Variants in FMN2 observed in about 807,000 individuals in gnomAD.
The protein encoded by FMN2 is formin-2.
In FMN2, 51 loss-of-function variants were observed where a neutral mutation model predicts 142.3. The observed-to-expected ratio is 0.36, with a 90% CI of 0.29 to 0.45. The LOEUF is 0.45. Among genes scored for constraint, FMN2 ranks in the 20% least tolerant of loss-of-function variants. FMN2 has a pLI of 1.00. For synonymous variants in FMN2, 882 were observed against 869.8 expected (o/e 1.01, Z -0.25); for missense variants, 1,936 against 2,122.8 (o/e 0.91, Z 1.73).
At chr1:240,305,710 G>A (rs1670364081) in intron 8 of FMN2, among the ~76,000 whole-genome samples, 1 of 152,152 alleles carries the variant, frequency 6.6e-6, no homozygotes, top group Admixed American at 6.5e-5. Context: ...GCCAAGGAAT[G>A]TGTCTATTGT....
intron 16 of FMN2, among the ~76,000 whole-genome samples, chr1:240,452,337 A>G (rs1164501097): frequency 6.6e-6 from 1 of 152,178 alleles, no homozygotes; most frequent in African/African-American, 2.4e-5. Context: ...CACTCCTTTA[A>G]TTAGTCAGAA....
At chr1:240,245,658 G>A (rs995409210) in intron 6 of FMN2, 18 of 468,012 alleles carry the variant, frequency 3.8e-5, no homozygotes, top group Admixed American at 2.9e-4. Context: ...TTAAAATACT[G>A]GTTTGGTGGT....
chr1:240,253,442 G>T lies in FMN2; in HGVS notation c.4066-4503G>T, dbSNP rs376255488. 4.6e-5 allele frequency among the ~76,000 whole-genome samples: 7 copies of T among 151,970 alleles called. No homozygotes were observed. The East Asian group carries it at 1.4e-3, about 29-fold the overall frequency. On this transcript the variant is annotated intron_variant, in intron 6 of 17. Coordinates refer to ENST00000319653, the MANE Select transcript of FMN2 (RefSeq NM_020066.5). ...TCTTCCATCCCAGAATTTCTGTTTG[G>T]TTCTTTTTTACGATATCTATCTTTT...
intron 2 of FMN2, among the ~76,000 whole-genome samples, chr1:240,158,940 A>G (rs1229550815): frequency 6.6e-6 from 1 of 152,158 alleles, no homozygotes; most frequent in Non-Finnish European, 1.5e-5. Flanking sequence ...CATAATATTT[A>G]TATATAGTCT....
chr1:240,274,324 C>T (rs920356828), intron 7 of FMN2, among the ~76,000 whole-genome samples: 2 of 151,486 alleles, frequency 1.3e-5, no homozygotes, highest in Non-Finnish European at 2.9e-5. Flanking sequence ...AAGGCCATGA[C>T]AGAAGGAACC....
intron 1 of FMN2, among the ~76,000 whole-genome samples, chr1:240,122,277 A>C (rs1662310666): frequency 6.7e-6 from 1 of 148,526 alleles, no homozygotes; most frequent in Non-Finnish European, 1.5e-5. Flanking sequence ...TTATTTATTT[A>C]TTTGAGATGG....
At chr1:240,253,455 ATATC>A (rs1668349442) in intron 6 of FMN2, among the ~76,000 whole-genome samples, 1 of 151,994 alleles carries the variant, frequency 6.6e-6, no homozygotes, top group African/African-American at 2.4e-5. Flanking sequence ...CTTTTTTACG[ATATC>A]TATCTTTTTG....
chr1:240,108,008 A>C (rs1661678457), intron 1 of FMN2, among the ~76,000 whole-genome samples: 1 of 152,204 alleles, frequency 6.6e-6, no homozygotes, highest in South Asian at 2.1e-4. Flanking sequence ...ATGAAGACAC[A>C]TTGTAGGCAC....
At chr1:240,360,746 A>T (rs1672434170) in intron 14 of FMN2, among the ~76,000 whole-genome samples, 1 of 152,188 alleles carries the variant, frequency 6.6e-6, no homozygotes, top group Non-Finnish European at 1.5e-5. Context: ...GATAGACTGG[A>T]TTAAGAAAAT....
intron 1 of FMN2, among the ~76,000 whole-genome samples, chr1:240,120,263 T>C (rs181134366): frequency 4.7e-4 from 71 of 152,362 alleles, no homozygotes; most frequent in African/African-American, 1.5e-3. Flanking sequence ...GTAACTGAAG[T>C]ATAGACTTGG....
Position 240,170,482 on chromosome 1 carries a change from A to G in FMN2, c.1783-7439A>G, listed in dbSNP as rs899998176. ...AGTGTGGAGAATGCAAATTTTGTCT[A>G]AATCCTAAAACTAACCTTGCCAGAA... On this transcript the variant is annotated intron_variant, in intron 2 of 17. Coordinates refer to ENST00000319653, the MANE Select transcript of FMN2 (RefSeq NM_020066.5). 3.4e-5 allele frequency: 49 copies of G among 1,458,386 alleles called. No individual in the cohort carries two copies. The Admixed American group carries it at 6.7e-4, about 20-fold the overall frequency. 90.3% of individuals were successfully genotyped at this position (1,458,386 alleles called of 1,614,324 possible).
At chr1:240,153,834 C>T (rs1663891814) in intron 2 of FMN2, among the ~76,000 whole-genome samples, 1 of 151,930 alleles carries the variant, frequency 6.6e-6, no homozygotes, top group South Asian at 2.1e-4. Flanking sequence ...GTGTGAACAC[C>T]AGCCGGGCGC....
At chr1:240,410,886 C>T (rs528101805) in intron 15 of FMN2, among the ~76,000 whole-genome samples, 4 of 152,302 alleles carry the variant, frequency 2.6e-5, no homozygotes, top group African/African-American at 9.6e-5. Context: ...CAGCAGCCTC[C>T]TGCCCTAGCC....
chr1:240,276,388 G>A (rs1340751497), intron 7 of FMN2, among the ~76,000 whole-genome samples: 1 of 152,174 alleles, frequency 6.6e-6, no homozygotes, highest in Non-Finnish European at 1.5e-5. Context: ...AAGAATGTGT[G>A]TTAGGATGTA....
rs882869 is a variant in FMN2, at chr1:240,474,271, A to C, written c.*117A>C. The C allele has an allele frequency of 2.1e-6, 2 of 954,996 alleles. No individual in the cohort carries two copies. Among genetic ancestry groups the C allele is most frequent in the South Asian group, 3.9e-5 (2 of 50,726 alleles). The allele number at this position is 954,996 out of a possible 1,614,324, so 59.2% of individuals were successfully genotyped here. ...CTCATGTTTCTTCTTGACCTCTTGCATAATCTTTTTGTTTTCTAGACAGTT... is the reference window on the plus strand; with the variant it reads ...CTCATGTTTCTTCTTGACCTCTTGCCTAATCTTTTTGTTTTCTAGACAGTT... On this transcript the variant is annotated 3_prime_UTR_variant, in exon 18 of 18. Coordinates refer to ENST00000319653, the MANE Select transcript of FMN2 (RefSeq NM_020066.5).
chr1:240,277,230 A>G (rs998035993), intron 7 of FMN2, among the ~76,000 whole-genome samples: 4 of 152,192 alleles, frequency 2.6e-5, no homozygotes, highest in Admixed American at 2.6e-4. Context: ...CACAGTAGCC[A>G]TTTGGAAGAG....
At chr1:240,417,632 G>A (rs190322536) in intron 15 of FMN2, among the ~76,000 whole-genome samples, 1 of 150,658 alleles carries the variant, frequency 6.6e-6, no homozygotes, top group East Asian at 1.9e-4. Context: ...TTTTACGTGA[G>A]TCCTTTGGTA....
At chr1:240,442,844 G>A (rs1675673567) in intron 16 of FMN2, among the ~76,000 whole-genome samples, 1 of 152,060 alleles carries the variant, frequency 6.6e-6, no homozygotes, top group Admixed American at 6.6e-5. Context: ...CAATGTGTTT[G>A]GATTTTTAAG....
chr1:240,261,271 G>A (rs879773615), intron 7 of FMN2, among the ~76,000 whole-genome samples: 6 of 151,576 alleles, frequency 4.0e-5, no homozygotes, highest in Non-Finnish European at 7.4e-5. Flanking sequence ...CCTGTGAGTG[G>A]TCCAGTTACC....
Sources: gnomAD v4.1 joint callset for allele counts (sites outside exome capture counted in the v4.1 genomes callset) on GRCh38, gnomAD v4.1.1 for gene constraint, MANE v1.5 for transcripts, NCBI Gene and HGNC (gene_info 2026-07-23, HGNC 2026-07-21) for gene names.